NCOR2: variants seen among roughly 807,000 people sequenced by gnomAD.
NCOR2 encodes the protein CTG repeat protein 26.
In NCOR2, 81 loss-of-function variants were observed where a neutral mutation model predicts 262.9. The observed-to-expected ratio is 0.31, with a 90% CI of 0.26 to 0.37. The LOEUF (loss-of-function observed/expected upper bound fraction) is 0.37, where lower values mean the gene tolerates loss of function less well. Ranked by LOEUF, NCOR2 falls within the 10% of genes least tolerant of loss-of-function variation. The pLI is 1.00. For synonymous variants in NCOR2, 1,659 were observed against 1,559.3 expected (o/e 1.06, Z -1.51); for missense variants, 3,385 against 3,621.4 (o/e 0.93, Z 1.68).
At chr12:124,341,734 C>T (rs1835435056) in intron 34 of NCOR2, 89 bp downstream of exon 36, 1 of 1,528,278 alleles carries the variant, frequency 6.5e-7, no homozygotes. Context: ...GTGACCAGGT[C>T]TAGCTGCCTC....
chr12:124,565,080 A>G (rs978102383), intron 1 of NCOR2, among the ~76,000 whole-genome samples: 1 of 151,800 alleles, frequency 6.6e-6, no homozygotes, highest in Non-Finnish European at 1.5e-5. Flanking sequence ...ACATAACCAA[A>G]CCCTCTCCGA....
intron 40 of NCOR2, 120 bp downstream of exon 42, chr12:124,335,015 G>T (rs1411822908): frequency 6.7e-7 from 1 of 1,489,900 alleles, no homozygotes; most frequent in Non-Finnish European, 9.3e-7. Context: ...CCAGCGCCAT[G>T]CCCTGGATCC....
intron 20 of NCOR2, among the ~76,000 whole-genome samples, chr12:124,368,691 C>T (rs1054030925): frequency 1.3e-5 from 2 of 152,230 alleles, no homozygotes; most frequent in African/African-American, 4.8e-5. Flanking sequence ...GCTCTCATTG[C>T]CCTCCAATGT....
Position 124,466,160 on chromosome 12 carries a change from C to A in NCOR2, c.705+13G>T. 1 of 1,602,438 alleles carries A rather than the reference C, an allele frequency of 6.2e-7. No homozygotes were observed. Among genetic ancestry groups the A allele is most frequent in the Non-Finnish European group, 8.5e-7 (1 of 1,174,408 alleles). On this transcript the variant is annotated intron_variant, in intron 5 of 46. Coordinates refer to ENST00000405201, the Ensembl canonical transcript of NCOR2. The stretch of plus-strand genomic sequence containing the variant: ...AGCACCGGGGGGCAGCAGGCCAGGG[C>A]GGGGACACATACCCGGTTCTCGTCG...
Position 124,325,382 on chromosome 12 carries a change from C to CCCCG in NCOR2, c.*19_*20insCGGG, listed in dbSNP as rs757779305. ...GCTCGCTGGGACCTGACACCGCCCCCCCCCCCGCCCTGTTCTGAGTCACTC... is the reference window on the plus strand; with the variant it reads ...GCTCGCTGGGACCTGACACCGCCCCCCCCGCCCCCCGCCCTGTTCTGAGTCACTC... On this transcript the variant is annotated 3_prime_UTR_variant, in exon 47 of 47. Coordinates refer to ENST00000405201, the Ensembl canonical transcript of NCOR2. 333 of 412,982 alleles carry CCCCG rather than the reference C, an allele frequency of 8.1e-4. 31 individuals are homozygous for CCCCG. Among genetic ancestry groups the CCCCG allele is most frequent in the African/African-American group, 6.3e-3 (227 of 36,206 alleles). The allele number at this position is 412,982 out of a possible 1,614,324, so 25.6% of individuals were successfully genotyped here.
chr12:124,479,470 A>C (rs201375361), intron 3 of NCOR2, among the ~76,000 whole-genome samples: 1 of 63,100 alleles, frequency 1.6e-5, no homozygotes, highest in Non-Finnish European at 4.0e-5. Context: ...CACACACACA[A>C]ACACGCAGGG....
At position 124,443,615 on chromosome 12, in the gene NCOR2, G is replaced by C. The variant is rs1240034859; in HGVS notation, c.816-5619C>G. Among the ~76,000 whole-genome samples the C allele has an allele frequency of 3.9e-5, 6 of 152,062 alleles. No homozygotes were observed. The highest frequency in any genetic ancestry group is 8.8e-5 in the Non-Finnish European group (6 of 68,010). Reference sequence around the variant, plus strand: ...CCTCCCGGGTTCAAGTGATTGTCCTGCCTCAGCCTCCCAAGTAACTGGGGC... The same window carrying C: ...CCTCCCGGGTTCAAGTGATTGTCCTCCCTCAGCCTCCCAAGTAACTGGGGC... On this transcript the variant is annotated intron_variant, in intron 7 of 46. Transcript: ENST00000405201. This position sits in a 1 kb window ranked among gnomAD's most constrained non-coding sequence, Gnocchi z 4.4.
intron 33 of NCOR2, 112 bp from the exon 36 acceptor site, chr12:124,342,186 CAT>C: frequency 3.1e-6 from 4 of 1,296,310 alleles, no homozygotes; most frequent in East Asian, 2.5e-5. Flanking sequence ...CTCCCACCTA[CAT>C]GTGTGGCTGC....
exon 39 of NCOR2, chr12:124,335,593 G>A (rs1244151740): frequency 2.5e-6 from 4 of 1,607,808 alleles, no homozygotes. Flanking sequence ...AGGGCTGACG[G>A]GCTCCACCCC....
chr12:124,456,014 G>A (rs2045830218), intron 6 of NCOR2, among the ~76,000 whole-genome samples: 5 of 152,148 alleles, frequency 3.3e-5, no homozygotes, highest in African/African-American at 9.7e-5. Context: ...TAGCTGGGAC[G>A]AAAGGCGTGC....
chr12:124,441,207 G>C (rs118132736), intron 7 of NCOR2, among the ~76,000 whole-genome samples: 2 of 152,190 alleles, frequency 1.3e-5, no homozygotes, highest in Non-Finnish European at 2.9e-5. Flanking sequence ...TCCAGCGCTC[G>C]GCCAGGAAGT....
In NCOR2 at chr12:124,549,727, A is replaced by G. The variant is rs1398743765; in HGVS notation, c.-164-14116T>C. Among the ~76,000 whole-genome samples the G allele has an allele frequency of 6.6e-6, 1 of 152,154 alleles. No homozygotes were observed. Among genetic ancestry groups the G allele is most frequent in the East Asian group, 1.9e-4 (1 of 5,186 alleles). Reference sequence around the variant, plus strand: ...AAAACAGCCCGCCTGAAGGTGACAGAGCGCCTCGCCGTATCACCAGCAACC... The same window carrying G: ...AAAACAGCCCGCCTGAAGGTGACAGGGCGCCTCGCCGTATCACCAGCAACC... On this transcript the variant is annotated intron_variant, in intron 1 of 32. Transcript: ENST00000458234. This position sits in a 1 kb window ranked among gnomAD's most constrained non-coding sequence, Gnocchi z 4.4.
rs541055648 is a variant in NCOR2, at chr12:124,548,063, G to A, written c.-164-12452C>T. Among the ~76,000 whole-genome samples, 6 of 151,970 alleles carry A rather than the reference G, an allele frequency of 3.9e-5. No individual in the cohort carries two copies. The highest frequency in any genetic ancestry group is 5.9e-5 in the Non-Finnish European group (4 of 67,996). On this transcript the variant is annotated intron_variant, in intron 1 of 32. Coordinates refer to the NCOR2 transcript ENST00000458234. This position sits in a 1 kb window ranked among gnomAD's most constrained non-coding sequence, Gnocchi z 5.1. Reference sequence around the variant, plus strand: ...AATCTGGTGAAGGAGCCAGCTGGTGGGAGAGAGGGGCCTGGGGTGCCCCAG... The same window carrying A: ...AATCTGGTGAAGGAGCCAGCTGGTGAGAGAGAGGGGCCTGGGGTGCCCCAG...
chr12:124,433,708 C>T (rs956928404), intron 8 of NCOR2, among the ~76,000 whole-genome samples: 2 of 152,134 alleles, frequency 1.3e-5, no homozygotes, highest in Non-Finnish European at 2.9e-5. Flanking sequence ...CTGCCTCGGA[C>T]AGCGCAGGGC....
intron 1 of NCOR2, among the ~76,000 whole-genome samples, chr12:124,505,310 G>A (rs913445839): frequency 2.6e-5 from 4 of 152,174 alleles, no homozygotes; most frequent in Middle Eastern, 3.4e-3. Flanking sequence ...GCCATGGCCC[G>A]CTCCCCCTGC....
exon 47 of NCOR2, chr12:124,325,328 C>T (rs377540657): frequency 1.5e-5 from 16 of 1,061,666 alleles, no homozygotes; most frequent in East Asian, 9.7e-5. Context: ...AGTCGGCAGC[C>T]GCCCTGCTCC....
intron 20 of NCOR2, among the ~76,000 whole-genome samples, chr12:124,366,360 G>A (rs775199598): frequency 8.5e-5 from 13 of 152,156 alleles, no homozygotes; most frequent in Non-Finnish European, 1.3e-4. Context: ...TGTAGATTCC[G>A]TTTCTGTGAA....
chr12:124,547,756 C>T (rs368392548), intron 1 of NCOR2, among the ~76,000 whole-genome samples: 4 of 152,154 alleles, frequency 2.6e-5, no homozygotes, highest in Non-Finnish European at 4.4e-5. Flanking sequence ...AAAGTGGAAT[C>T]GTACACTATG....
intron 1 of NCOR2, among the ~76,000 whole-genome samples, chr12:124,516,449 T>C (rs1176101632): frequency 6.6e-6 from 1 of 152,104 alleles, no homozygotes; most frequent in Non-Finnish European, 1.5e-5. Flanking sequence ...CTACCTCCCA[T>C]TATCTGGACC....
Sources: allele counts gnomAD v4.1 joint callset (sites outside exome capture counted in the v4.1 genomes callset), GRCh38; gene constraint gnomAD v4.1.1; non-coding constraint Gnocchi (gnomAD v3.1); transcripts MANE v1.5; gene names NCBI Gene and HGNC (gene_info 2026-07-23, HGNC 2026-07-21).